RIC3: variants seen among roughly 807,000 people sequenced by gnomAD.
RIC3 encodes protein RIC-3.
Under a neutral mutation model 27.3 loss-of-function variants are expected in RIC3, and 28 were observed. The observed-to-expected ratio is 1.02, with a 90% CI of 0.76 to 1.41. The LOEUF (loss-of-function observed/expected upper bound fraction) is 1.41. Among genes scored for constraint, RIC3 ranks in the 40% most tolerant of loss-of-function variants. RIC3 has a pLI of 0.00. For synonymous variants in RIC3, 184 were observed against 160.4 expected (o/e 1.15, Z -1.11); for missense variants, 501 against 444.7 (o/e 1.13, Z -1.14).
At chr11:8,096,806 GGTGA>G in the RIC3 span, 32 of 1,614,024 alleles carry the variant, frequency 2.0e-5, no homozygotes, top group East Asian at 8.9e-5. Flanking sequence ...AGTCCGTCAG[GGTGA>G]GTGAGTGAGT....
chr11:8,126,703 G>A lies in RIC3; in HGVS notation c.626C>T (p.Pro209Leu), dbSNP rs1428380999. The change falls in exon 5 of 6, where the codon CCA (proline) becomes CTA (leucine). Residue 209 changes from proline (P) to leucine (L), a missense_variant. By Grantham distance (98) the Pro-to-Leu change is moderately conservative. Coordinates refer to ENST00000309737, the MANE Select transcript of RIC3 (RefSeq NM_001206671.4). ...AGGGGCCTCCTCAGCTTCTTTCTCT[G>A]GAGAAAATCTGTCAATGAATTTTCC... The part of the protein sequence containing the change: ...KEGKFIDRFS[P>L]EKEAEEAPYM... 2 of 1,614,074 alleles carry A rather than the reference G, an allele frequency of 1.2e-6. No individual in the cohort carries two copies. Among genetic ancestry groups the A allele is most frequent in the Non-Finnish European group, 1.7e-6 (2 of 1,179,974 alleles).
intron 4 of RIC3, among the ~76,000 whole-genome samples, chr11:8,129,992 C>T (rs1947493564): frequency 6.6e-6 from 1 of 152,208 alleles, no homozygotes; most frequent in Non-Finnish European, 1.5e-5. Flanking sequence ...TATGTACTTT[C>T]CCTTCTTTTG....
At position 8,107,304 on chromosome 11, in the gene RIC3, G is replaced by C. The variant is rs1197660376; in HGVS notation, c.*3394C>G. ...GGGTTTGTTTATTCCCCCAGATCTA[G>C]AGTTCTGATGTGACCAAGAGCATTT... On this transcript the variant is annotated 3_prime_UTR_variant, in exon 6 of 6. Transcript: ENST00000309737. 6.6e-6 allele frequency: 1 copy of C among 152,192 alleles called. No individual in the cohort carries two copies. Among genetic ancestry groups the C allele is most frequent in the Non-Finnish European group, 1.5e-5 (1 of 68,030 alleles). 9.4% of individuals were successfully genotyped at this position (152,192 alleles called of 1,614,324 possible).
the RIC3 span, chr11:8,100,531 C>CT: frequency 6.2e-7 from 1 of 1,613,972 alleles, no homozygotes. Flanking sequence ...TTCAAGGGGC[C>CT]TCGGAAGATG....
At chr11:8,168,424 G>A (rs1278767440) in intron 1 of RIC3, among the ~76,000 whole-genome samples, 1 of 152,152 alleles carries the variant, frequency 6.6e-6, no homozygotes, top group Admixed American at 6.5e-5. Context: ...ACGACTTAAG[G>A]TTTGCTGTAC....
intron 4 of RIC3, among the ~76,000 whole-genome samples, chr11:8,130,739 CT>C (rs1197336577): frequency 4.7e-5 from 7 of 148,058 alleles, no homozygotes; most frequent in Non-Finnish European, 8.9e-5. Flanking sequence ...CCTCAAAAGC[CT>C]TCAGAGTCAA....
the RIC3 span, chr11:8,094,140 AG>A: frequency 6.2e-7 from 1 of 1,614,110 alleles, no homozygotes; most frequent in South Asian, 1.1e-5. Context: ...CAGCTACAGC[AG>A]GGGGCCAGGG....
intron 4 of RIC3, among the ~76,000 whole-genome samples, chr11:8,136,595 G>A (rs1444164804): frequency 2.0e-5 from 3 of 152,140 alleles, no homozygotes; most frequent in Non-Finnish European, 4.4e-5. Context: ...TTCCCTTTGG[G>A]ACATTCTAAA....
rs920569438 is a variant in RIC3, at chr11:8,110,170, C to T, written c.*528G>A. The T allele has an allele frequency of 5.5e-6, 1 of 181,850 alleles. No individual in the cohort carries two copies. The highest frequency in any genetic ancestry group is 1.2e-5 in the Non-Finnish European group (1 of 85,682). The allele number at this position is 181,850 out of a possible 1,614,324, so 11.3% of individuals were successfully genotyped here. On this transcript the variant is annotated 3_prime_UTR_variant, in exon 6 of 6. Coordinates refer to ENST00000309737, the MANE Select transcript of RIC3 (RefSeq NM_001206671.4). ...CCTCGCTGCGAGGAAGAGGCTTCAG[C>T]TTAGACAGCAGAGTCTTACCCTCCT...
chr11:8,124,981 C>T (rs536942099), intron 5 of RIC3, among the ~76,000 whole-genome samples: 30 of 152,220 alleles, frequency 2.0e-4, no homozygotes, highest in Admixed American at 3.3e-4. Context: ...GGGCTGGGCA[C>T]GGCGGCTCAC....
the RIC3 span, chr11:8,096,935 C>T: frequency 9.3e-7 from 1 of 1,080,778 alleles, no homozygotes; most frequent in Non-Finnish European, 1.4e-6. Flanking sequence ...TGTCCCTCTA[C>T]CTTGCCTCCT....
At chr11:8,159,299 A>G (rs574380041) in intron 1 of RIC3, among the ~76,000 whole-genome samples, 1 of 152,324 alleles carries the variant, frequency 6.6e-6, no homozygotes, top group South Asian at 2.1e-4. Context: ...TGGCATATTC[A>G]AGGAACAGTG....
rs190752905 is a variant in RIC3 at position 8,138,271 on chromosome 11, C to T, written c.427+1G>A. 1.2e-6 allele frequency: 2 copies of T among 1,608,416 alleles called. No individual in the cohort carries two copies. Among genetic ancestry groups the T allele is most frequent in the South Asian group, 2.2e-5 (2 of 90,950 alleles). On this transcript the variant is annotated splice_donor_variant, in intron 3 of 5. Transcript: ENST00000309737. LOFTEE classifies it high-confidence loss of function. ...TGAATATACTGAGAAGGGGCACTTA[C>T]TAATTTTCCTGTGGGTGTTTCCAGG...
At chr11:8,105,788 T>TGCTCCTGTCCCTCCCTCCC (rs1944560313), downstream of RIC3, 2 of 152,290 alleles carry the variant, frequency 1.3e-5, no homozygotes, top group African/African-American at 4.8e-5. Flanking sequence ...TCCTCCTCTG[T>TGCTCCTGTCCCTCCCTCCC]GCTCCTGTCC....
At chr11:8,128,705 T>A (rs1947287296) in intron 4 of RIC3, among the ~76,000 whole-genome samples, 1 of 151,670 alleles carries the variant, frequency 6.6e-6, no homozygotes, top group South Asian at 2.1e-4. Flanking sequence ...TCCACCTCCC[T>A]GAATTCTGGA....
chr11:8,167,639 G>GT (rs1427556338), intron 1 of RIC3, among the ~76,000 whole-genome samples: 2 of 55,186 alleles, frequency 3.6e-5, no homozygotes, highest in East Asian at 4.0e-4. Context: ...ATAATGGAAA[G>GT]TAAAAAAAAA....
Position 8,163,791 on chromosome 11 carries a change from C to G in RIC3, c.124+5075G>C, listed in dbSNP as rs150638461. On this transcript the variant is annotated intron_variant, in intron 1 of 5. Coordinates refer to ENST00000309737, the MANE Select transcript of RIC3 (RefSeq NM_001206671.4). ...ACTCTCCAAATTGCTTCAGTTCACT[C>G]TATCAAAATCCCAACTGGCATTTTT... Among the ~76,000 whole-genome samples the G allele has an allele frequency of 5.8e-3, 856 of 147,920 alleles. 3 individuals carry two copies. The highest frequency in any genetic ancestry group is 0.021 in the Middle Eastern group (6 of 282).
chr11:8,113,304 G>A (rs189121472), intron 5 of RIC3, among the ~76,000 whole-genome samples: 19 of 152,306 alleles, frequency 1.2e-4, no homozygotes, highest in African/African-American at 4.1e-4. Context: ...TGCTTTAAGA[G>A]GGAAGGTCAC....
At chr11:8,097,904 T>A in the RIC3 span, 2 of 1,101,626 alleles carry the variant, frequency 1.8e-6, no homozygotes, top group South Asian at 2.8e-5. Context: ...GGCCTGAATC[T>A]TCCTGAAGGA....
Sources: gnomAD v4.1 joint callset for allele counts (sites outside exome capture counted in the v4.1 genomes callset) on GRCh38, gnomAD v4.1.1 for gene constraint, MANE v1.5 for transcripts, NCBI Gene and HGNC (gene_info 2026-07-23, HGNC 2026-07-21) for gene names.